The following CFAP47 variants were observed in gnomAD, a reference collection of about 807,000 sequenced individuals.
CFAP47 encodes the protein cilia and flagella associated protein 47.
In CFAP47, 29 loss-of-function variants were observed where a neutral mutation model predicts 148.1. That is an observed-to-expected ratio of 0.20 (90% CI 0.15 to 0.27). The LOEUF (loss-of-function observed/expected upper bound fraction) is 0.27. CFAP47 is among the 10% of genes least tolerant of loss of function. CFAP47 has a pLI of 1.00. For synonymous variants in CFAP47, 664 were observed against 577.3 expected (o/e 1.15, Z -2.15); for missense variants, 1,872 against 1,697.5 (o/e 1.10, Z -1.81).
chrX:36,006,323 C>T (rs1936981533), intron 21 of CFAP47, among the ~76,000 whole-genome samples: 1 of 111,144 alleles, frequency 9.0e-6, no homozygotes, highest in African/African-American at 3.3e-5. Context: ...AATCATTCTA[C>T]GTTAACTGGG....
intron 42 of CFAP47, among the ~76,000 whole-genome samples, chrX:36,194,587 G>A (rs1458267169): frequency 8.9e-6 from 1 of 111,947 alleles, no homozygotes; most frequent in Non-Finnish European, 1.9e-5. Flanking sequence ...ATAGCCTTCT[G>A]CTTCTGGGGA....
intron 45 of CFAP47, among the ~76,000 whole-genome samples, chrX:36,215,883 A>T (rs1375393826): frequency 9.0e-6 from 1 of 111,318 alleles, no homozygotes; most frequent in Non-Finnish European, 1.9e-5. Context: ...TCTCCGGGGG[A>T]GGTCAACTAG....
intron 46 of CFAP47, among the ~76,000 whole-genome samples, chrX:36,232,518 G>T: frequency 1.8e-5 from 2 of 111,236 alleles, no homozygotes; most frequent in Non-Finnish European, 3.8e-5. Flanking sequence ...TTCTTTATTA[G>T]TCTTGCTAGT....
At chrX:36,227,857 A>G (rs963671627) in intron 45 of CFAP47, among the ~76,000 whole-genome samples, 1 of 112,161 alleles carries the variant, frequency 8.9e-6, no homozygotes, top group Admixed American at 9.5e-5. Context: ...AAATTTTTAT[A>G]ACTATTTTCT....
chrX:35,948,351 C>T lies in CFAP47; in HGVS notation c.555C>T (p.Ile185=). The T allele has an allele frequency of 8.3e-7, 1 of 1,201,509 alleles. No individual in the cohort carries two copies. The highest frequency in any genetic ancestry group is 1.1e-6 in the Non-Finnish European group (1 of 886,377). The change falls in exon 4 of 64, where the codon ATC becomes ATT. Residue 185 remains isoleucine, a synonymous_variant. Transcript: ENST00000378653. ...FKAEYHGQLP[I]LIFPTSGIVD... is the part of the protein sequence containing the mutation. ...CAGAATACCACGGCCAATTACCCAT[C>T]CTCATTTTTCCAACTAGTGGTATCG...
At chrX:36,184,935 GAA>G (rs781889464) in intron 40 of CFAP47, among the ~76,000 whole-genome samples, 2 of 82,378 alleles carry the variant, frequency 2.4e-5, no homozygotes, top group Non-Finnish European at 2.4e-5. Context: ...CTTCGTCTCA[GAA>G]AAAAAAAAAA....
At chrX:36,358,621 TG>T (rs1941803151) in intron 60 of CFAP47, among the ~76,000 whole-genome samples, 1 of 111,857 alleles carries the variant, frequency 8.9e-6, no homozygotes, top group African/African-American at 3.2e-5. Context: ...AGTTGTCTCC[TG>T]TTATTCTTAG....
chrX:35,957,499 ATTAGTATGACTCT>A (rs1936264413), intron 8 of CFAP47, among the ~76,000 whole-genome samples: 1 of 112,084 alleles, frequency 8.9e-6, no homozygotes, highest in Non-Finnish European at 1.9e-5. Flanking sequence ...TTACTGCTTC[ATTAGTATGACTCT>A]CTCCCTCCAA....
intron 42 of CFAP47, among the ~76,000 whole-genome samples, chrX:36,192,625 T>G (rs1487135277): frequency 9.0e-6 from 1 of 111,441 alleles, no homozygotes; most frequent in Non-Finnish European, 1.9e-5. Flanking sequence ...CGGGTTCCAG[T>G]TACAGCCATT....
intron 20 of CFAP47, among the ~76,000 whole-genome samples, 191 bp from the exon 21 acceptor site, chrX:36,001,422 T>C (rs1936913458): frequency 8.9e-6 from 1 of 111,749 alleles, no homozygotes; most frequent in Non-Finnish European, 1.9e-5. Context: ...GAGTTATTTT[T>C]TAATGAGTTT....
At chrX:36,166,119 A>G (rs1939486093) in intron 39 of CFAP47, among the ~76,000 whole-genome samples, 2 of 111,599 alleles carry the variant, frequency 1.8e-5, no homozygotes, top group Admixed American at 1.9e-4. Context: ...TGTTGCTACC[A>G]TATAGAATAA....
intron 51 of CFAP47, among the ~76,000 whole-genome samples, chrX:36,297,352 A>C (rs938240958): frequency 1.8e-5 from 2 of 111,828 alleles, no homozygotes; most frequent in African/African-American, 6.5e-5. Flanking sequence ...ATTTTTTGTC[A>C]CCCCTGTAAC....
intron 23 of CFAP47, among the ~76,000 whole-genome samples, chrX:36,032,834 G>C (rs1937296320): frequency 9.0e-6 from 1 of 111,346 alleles, no homozygotes; most frequent in African/African-American, 3.3e-5. Flanking sequence ...GGATTTTCCT[G>C]AATTATCTAG....
chrX:36,330,452 T>C (rs2146971922), intron 57 of CFAP47, among the ~76,000 whole-genome samples: 1 of 111,979 alleles, frequency 8.9e-6, no homozygotes. Context: ...GGAAATCCGA[T>C]ATACCTCTTA....
chrX:35,970,818 C>T lies in CFAP47; in HGVS notation c.1865C>T (p.Ala622Val), dbSNP rs1226733170. 5.9e-6 allele frequency: 7 copies of T among 1,185,616 alleles called. No homozygotes were observed. The highest frequency in any genetic ancestry group is 8.0e-6 in the Non-Finnish European group (7 of 879,650). Residue 622 changes from alanine (A) to valine (V), a missense_variant, in exon 11 of 64, where the codon GCA (alanine) becomes GTA (valine). By Grantham distance (64) the Ala-to-Val change is moderately conservative. Coordinates refer to ENST00000378653, the MANE Select transcript of CFAP47 (RefSeq NM_001304548.2). ...TTTAACTATGTGAATCATGATTTTG[C>T]ATATACTACATTTGAAAAACAGCAA... ...PRFNYVNHDF[A>V]YTTFEKQQKK...
intron 60 of CFAP47, among the ~76,000 whole-genome samples, chrX:36,354,488 A>T (rs1432925729): frequency 9.1e-6 from 1 of 109,737 alleles, no homozygotes; most frequent in Non-Finnish European, 1.9e-5. Flanking sequence ...CTCAAAAAAA[A>T]AAAAAAAAAA....
chrX:35,984,212 T>G (rs1936684586), intron 15 of CFAP47, among the ~76,000 whole-genome samples: 1 of 111,655 alleles, frequency 9.0e-6, no homozygotes, highest in Admixed American at 9.5e-5. Context: ...TTCCAGGAAT[T>G]TATCTATTTC....
At chrX:36,060,162 C>A (rs1386821383) in intron 26 of CFAP47, among the ~76,000 whole-genome samples, 7 of 111,414 alleles carry the variant, frequency 6.3e-5, no homozygotes, top group Non-Finnish European at 1.3e-4. Flanking sequence ...TATAGAAATG[C>A]AAACAGACTA....
intron 7 of CFAP47, 107 bp downstream of exon 7, chrX:35,953,826 AATAGAAAAAAAAGCAAAC>A (rs1936204285): frequency 3.6e-6 from 2 of 561,914 alleles, no homozygotes; most frequent in Non-Finnish European, 5.1e-6. Context: ...ATAATTATTG[AATAGAAAAAAAAGCAAAC>A]ATGTTCAAGA....
Sources: gnomAD v4.1 joint callset for allele counts (sites outside exome capture counted in the v4.1 genomes callset) on GRCh38, gnomAD v4.1.1 for gene constraint, MANE v1.5 for transcripts, NCBI Gene and HGNC (gene_info 2026-07-23, HGNC 2026-07-21) for gene names.